The following IRAK1BP1 variants were observed in gnomAD, a reference collection of about 807,000 sequenced individuals.
IRAK1BP1 encodes the protein interleukin 1 receptor associated kinase 1 binding protein 1.
Under a neutral mutation model 28.0 loss-of-function variants are expected in IRAK1BP1, and 24 were observed. That is an observed-to-expected ratio of 0.86 (90% confidence interval 0.62 to 1.20). The LOEUF (loss-of-function observed/expected upper bound fraction) is 1.20. Ranked by LOEUF, IRAK1BP1 falls within the 50% of genes most tolerant of loss-of-function variation. The pLI, the probability that IRAK1BP1 is intolerant of heterozygous loss-of-function variation, is 0.00. For missense variants in IRAK1BP1, 336 were observed against 316.7 expected (o/e 1.06, Z -0.46); for synonymous variants, 131 against 116.3 (o/e 1.13, Z -0.81).
rs772966223 is a variant in IRAK1BP1, at chr6:78,898,161, AAAG to A, written c.619_621del (p.Glu207del). ...AACCTTAGGAAAACCTTTACTAATC[AAAG>A]AAGAAGAAACAAAAGAATGGGAAGG... On this transcript the variant is annotated inframe_deletion, in exon 4 of 4. Coordinates refer to ENST00000369940, the MANE Select transcript of IRAK1BP1 (RefSeq NM_001010844.4). 1.3e-5 allele frequency: 21 copies of A among 1,613,760 alleles called. No homozygotes were observed. The African/African-American group carries it at 2.5e-4, about 20-fold the overall frequency.
intron 4 of IRAK1BP1, among the ~76,000 whole-genome samples, chr6:78,928,025 T>C (rs1772938564): frequency 6.6e-6 from 1 of 152,184 alleles, no homozygotes; most frequent in Admixed American, 6.5e-5. Context: ...TCTGGGTCTT[T>C]TCTGATGTTA....
intron 4 of IRAK1BP1, among the ~76,000 whole-genome samples, chr6:78,941,508 C>A (rs1214009897): frequency 6.6e-6 from 1 of 151,896 alleles, no homozygotes; most frequent in East Asian, 1.9e-4. Flanking sequence ...TATTTATTTT[C>A]TAATTAAAAG....
At chr6:78,912,043 C>A (rs1430271296) in intron 4 of IRAK1BP1, among the ~76,000 whole-genome samples, 1 of 152,110 alleles carries the variant, frequency 6.6e-6, no homozygotes, top group Non-Finnish European at 1.5e-5. Flanking sequence ...ATCATACTTG[C>A]CTTTTTTAGA....
At chr6:78,919,354 C>T (rs1478249156) in intron 4 of IRAK1BP1, among the ~76,000 whole-genome samples, 2 of 151,962 alleles carry the variant, frequency 1.3e-5, no homozygotes, top group African/African-American at 2.4e-5. Flanking sequence ...CAAAGCAGAA[C>T]TGAATGAAAT....
At chr6:78,945,643 G>A in exon 5 of IRAK1BP1, 5 of 642,978 alleles carry the variant, frequency 7.8e-6, no homozygotes, top group Non-Finnish European at 1.4e-5. Context: ...TTTCTAATAG[G>A]AAAAAGGCGT....
At chr6:78,950,381 T>C (rs561354014), downstream of IRAK1BP1, among the ~76,000 whole-genome samples, 228 of 152,328 alleles carry the variant, frequency 1.5e-3, 1 homozygote, top group African/African-American at 4.9e-3. Context: ...GTTGGGAATT[T>C]TGAGTTTTTC....
At chr6:78,889,180 G>A (rs1371030553) in intron 2 of IRAK1BP1, among the ~76,000 whole-genome samples, 3 of 149,054 alleles carry the variant, frequency 2.0e-5, no homozygotes, top group South Asian at 2.1e-4. Context: ...TTGACATAAT[G>A]TCCAAAAATT....
intron 4 of IRAK1BP1, among the ~76,000 whole-genome samples, chr6:78,928,404 A>G (rs1204050637): frequency 6.6e-6 from 1 of 152,056 alleles, no homozygotes; most frequent in Non-Finnish European, 1.5e-5. Flanking sequence ...CAGTTTTAAT[A>G]GTTTTTGTGT....
chr6:78,932,167 C>T lies in IRAK1BP1; in HGVS notation c.*68-13241C>T, dbSNP rs1453223251. On this transcript the variant is annotated intron_variant and NMD_transcript_variant, in intron 4 of 4. Transcript: ENST00000606868. ...GGCTCCACTTTCCAATTCTAGTTCT[C>T]GAGCTATTTCCATGTCTGCAGTGAC... Among the ~76,000 whole-genome samples, 9 of 152,100 alleles carry T rather than the reference C, an allele frequency of 5.9e-5. No individual in the cohort carries two copies. The East Asian group carries it at 7.7e-4, about 13-fold the overall frequency.
intron 4 of IRAK1BP1, among the ~76,000 whole-genome samples, chr6:78,933,612 T>A (rs1773143413): frequency 6.6e-6 from 1 of 151,518 alleles, no homozygotes; most frequent in South Asian, 2.1e-4. Context: ...CAAAACTCTG[T>A]CTCAAACAAA....
chr6:78,915,655 A>G (rs1027480930), intron 4 of IRAK1BP1, among the ~76,000 whole-genome samples: 4 of 152,142 alleles, frequency 2.6e-5, no homozygotes, highest in Non-Finnish European at 5.9e-5. Context: ...TCCTTAGACT[A>G]CATAGAGGTC....
At chr6:78,927,644 T>C (rs1262795217) in intron 4 of IRAK1BP1, among the ~76,000 whole-genome samples, 2 of 152,180 alleles carry the variant, frequency 1.3e-5, no homozygotes, top group Admixed American at 1.3e-4. Flanking sequence ...TCATGTTTTC[T>C]TGTAGTAGTT....
chr6:78,922,787 G>T (rs1772775462), intron 4 of IRAK1BP1, among the ~76,000 whole-genome samples: 2 of 152,154 alleles, frequency 1.3e-5, no homozygotes, highest in Non-Finnish European at 2.9e-5. Flanking sequence ...TTAAAGAAAA[G>T]AATTTTCAAC....
chr6:78,967,302 A>G, the IRAK1BP1 span, among the ~76,000 whole-genome samples: 1 of 152,216 alleles, frequency 6.6e-6, no homozygotes, highest in Non-Finnish European at 1.5e-5. Flanking sequence ...AAGCTACTAT[A>G]TAGTTTAATA....
Position 78,899,355 on chromosome 6 carries a change from T to A in IRAK1BP1, c.*1021T>A, listed in dbSNP as rs1772017316. ...AGGACCAGAGACCATTTTGGTAAGATGCAGATAACAACCCCAACCTTAACA... is the reference window on the plus strand; with the variant it reads ...AGGACCAGAGACCATTTTGGTAAGAAGCAGATAACAACCCCAACCTTAACA... On this transcript the variant is annotated 3_prime_UTR_variant, in exon 4 of 4. Transcript: ENST00000369940. 1 of 152,136 alleles carries A rather than the reference T, an allele frequency of 6.6e-6. No homozygotes were observed. Among genetic ancestry groups the A allele is most frequent in the African/African-American group, 2.4e-5 (1 of 41,430 alleles). 9.4% of individuals were successfully genotyped at this position (152,136 alleles called of 1,614,324 possible).
chr6:78,973,288 G>T, the IRAK1BP1 span, among the ~76,000 whole-genome samples: 1 of 151,298 alleles, frequency 6.6e-6, no homozygotes, highest in African/African-American at 2.4e-5. Context: ...AGCTTCATAA[G>T]TGAAGGAGAA....
intron 4 of IRAK1BP1, among the ~76,000 whole-genome samples, chr6:78,908,213 G>T (rs574731223): frequency 7.4e-4 from 112 of 151,058 alleles, no homozygotes; most frequent in African/African-American, 2.7e-3. Context: ...ATCATGCCTG[G>T]CTAATTTTTT....
chr6:78,897,044 G>A (rs1771909956), intron 2 of IRAK1BP1, among the ~76,000 whole-genome samples: 1 of 151,798 alleles, frequency 6.6e-6, no homozygotes, highest in Non-Finnish European at 1.5e-5. Flanking sequence ...GAGGCCAGGA[G>A]TTTGAGACCA....
Position 78,901,832 on chromosome 6 carries a change from A to AT in IRAK1BP1, c.*3501dup, listed in dbSNP as rs1196402770. On this transcript the variant is annotated 3_prime_UTR_variant, in exon 4 of 4. Transcript: ENST00000369940. Reference sequence around the variant, plus strand: ...TAAACAAATAGGACTTAGAAAAATAATTTGTAACTCAAGATGCTGTACCTC... The same window carrying AT: ...TAAACAAATAGGACTTAGAAAAATAATTTTGTAACTCAAGATGCTGTACCTC... 1 of 152,168 alleles carries AT rather than the reference A, an allele frequency of 6.6e-6. No homozygotes were observed. Among genetic ancestry groups the AT allele is most frequent in the African/African-American group, 2.4e-5 (1 of 41,436 alleles). The allele number at this position is 152,168 out of a possible 1,614,324, so 9.4% of individuals were successfully genotyped here.
Sources: allele counts gnomAD v4.1 joint callset (sites outside exome capture counted in the v4.1 genomes callset), GRCh38; gene constraint gnomAD v4.1.1; transcripts MANE v1.5; gene names NCBI Gene and HGNC (gene_info 2026-07-23, HGNC 2026-07-21).